Variants in ANP32B observed in about 807,000 individuals in gnomAD.
ANP32B encodes the protein acidic nuclear phosphoprotein 32 family member B, also known as acidic leucine-rich nuclear phosphoprotein 32 family member B.
Under a neutral mutation model 32.2 loss-of-function variants are expected in ANP32B, and 6 were observed. The observed-to-expected ratio is 0.19, with a 90% confidence interval of 0.10 to 0.37. The LOEUF is 0.37. Ranked by LOEUF, ANP32B falls within the 10% of genes least tolerant of loss-of-function variation. The probability of loss-of-function intolerance (pLI) is 1.00; values close to 1 mark genes in which losing one functional copy is unlikely to be tolerated. For synonymous variants in ANP32B, 98 were observed against 105.8 expected (o/e 0.93, Z 0.45); for missense variants, 204 against 289.2 (o/e 0.71, Z 2.14).
chr9:97,996,564 T>C (rs1261202566), intron 2 of ANP32B, among the ~76,000 whole-genome samples: 1 of 152,200 alleles, frequency 6.6e-6, no homozygotes, highest in East Asian at 1.9e-4. Flanking sequence ...GAACTTTATT[T>C]TCTTCCTATT....
chr9:98,002,619 GT>G (rs1320284035), intron 3 of ANP32B, among the ~76,000 whole-genome samples: 3 of 151,946 alleles, frequency 2.0e-5, no homozygotes, highest in Non-Finnish European at 4.4e-5. Flanking sequence ...GATTTTTGTT[GT>G]TTTCTTGCTT....
intron 3 of ANP32B, among the ~76,000 whole-genome samples, chr9:98,001,715 T>A (rs1166194523): frequency 6.6e-6 from 1 of 152,166 alleles, no homozygotes; most frequent in Non-Finnish European, 1.5e-5. Context: ...GAGAGGACCC[T>A]CTGGTGGCTG....
At chr9:97,992,164 A>G (rs1827835641) in intron 1 of ANP32B, among the ~76,000 whole-genome samples, 10 of 152,050 alleles carry the variant, frequency 6.6e-5, no homozygotes, top group Admixed American at 6.6e-4. Context: ...TTCTCAGCTC[A>G]CTGCAACTTC....
In ANP32B at chr9:97,994,842, T is replaced by C; in HGVS notation, c.204+62T>C. The C allele has an allele frequency of 2.7e-6, 4 of 1,496,142 alleles. No individual in the cohort carries two copies. The South Asian group carries it at 5.3e-5, about 20-fold the overall frequency. The allele number at this position is 1,496,142 out of a possible 1,614,324, so 92.7% of individuals were successfully genotyped here. ...CCTGGGAAGGGAAAATGTATGATTTTACCTGTAAGGAAGCACTTAGTGTAG... is the reference window on the plus strand; with the variant it reads ...CCTGGGAAGGGAAAATGTATGATTTCACCTGTAAGGAAGCACTTAGTGTAG... On this transcript the variant is annotated intron_variant, in intron 2 of 6. Coordinates refer to ENST00000339399, the MANE Select transcript of ANP32B (RefSeq NM_006401.3).
At chr9:97,983,942 G>A (rs1368329649) in intron 1 of ANP32B, among the ~76,000 whole-genome samples, 4 of 151,836 alleles carry the variant, frequency 2.6e-5, no homozygotes, top group African/African-American at 7.2e-5. Flanking sequence ...GTGTAACGCT[G>A]GGAGCCATGT....
chr9:97,990,811 A>C (rs745424210), intron 1 of ANP32B, among the ~76,000 whole-genome samples: 397 of 136,030 alleles, frequency 2.9e-3, no homozygotes, highest in Non-Finnish European at 5.2e-3. Flanking sequence ...CTTACAGTTG[A>C]ACCTTTTTTT....
intron 4 of ANP32B, among the ~76,000 whole-genome samples, chr9:98,008,296 A>G (rs541302648): frequency 1.1e-4 from 16 of 152,314 alleles, no homozygotes; most frequent in Admixed American, 2.0e-4. Context: ...TTTGAAAGAG[A>G]GTGAGCCAGG....
At chr9:97,990,418 G>GC (rs1184651989) in intron 1 of ANP32B, among the ~76,000 whole-genome samples, 1 of 152,190 alleles carries the variant, frequency 6.6e-6, no homozygotes, top group Non-Finnish European at 1.5e-5. Context: ...CCTAAGTGGG[G>GC]CCCTCCAGTG....
intron 6 of ANP32B, 27 bp from the exon 7 acceptor site, chr9:98,015,337 C>G (rs1324676508): frequency 1.3e-6 from 2 of 1,549,474 alleles, no homozygotes; most frequent in Admixed American, 2.0e-5. Context: ...TTCCACTGTC[C>G]TAAAGTCAAT....
At chr9:97,993,891 C>T (rs1827866749) in intron 1 of ANP32B, among the ~76,000 whole-genome samples, 1 of 152,186 alleles carries the variant, frequency 6.6e-6, no homozygotes, top group South Asian at 2.1e-4. Context: ...CTTCAGCCTC[C>T]CAAAGTGCTG....
chr9:98,010,823 C>G (rs1828170150), intron 4 of ANP32B, among the ~76,000 whole-genome samples: 1 of 145,844 alleles, frequency 6.9e-6, no homozygotes, highest in South Asian at 2.2e-4. Flanking sequence ...GTAATGATAC[C>G]CAAGAGAAGG....
At chr9:97,995,723 C>T (rs1323154217) in intron 2 of ANP32B, among the ~76,000 whole-genome samples, 1 of 151,952 alleles carries the variant, frequency 6.6e-6, no homozygotes, top group Non-Finnish European at 1.5e-5. Context: ...GAGTTCGAGA[C>T]CAGCCTGGCC....
chr9:98,005,686 G>A (rs1409405455), intron 4 of ANP32B, among the ~76,000 whole-genome samples: 1 of 152,220 alleles, frequency 6.6e-6, no homozygotes, highest in Non-Finnish European at 1.5e-5. Flanking sequence ...GCCTCCCCAA[G>A]TGGTGGGATT....
intron 6 of ANP32B, 75 bp downstream of exon 6, chr9:98,012,547 A>G: frequency 6.3e-7 from 1 of 1,576,456 alleles, no homozygotes; most frequent in Non-Finnish European, 8.6e-7. Flanking sequence ...AGAATATGAT[A>G]CCACTGAGAA....
chr9:97,986,114 C>CG (rs1295108028), intron 1 of ANP32B, among the ~76,000 whole-genome samples: 2 of 152,260 alleles, frequency 1.3e-5, no homozygotes, highest in Non-Finnish European at 2.9e-5. Context: ...AGCCACCGCC[C>CG]CCGGCCACCA....
At chr9:98,012,712 G>T (rs1203592457) in intron 6 of ANP32B, among the ~76,000 whole-genome samples, 1 of 152,124 alleles carries the variant, frequency 6.6e-6, no homozygotes, top group Non-Finnish European at 1.5e-5. Context: ...TCCTCATGGG[G>T]TTTTTTTCGG....
intron 4 of ANP32B, among the ~76,000 whole-genome samples, chr9:98,008,128 C>T (rs576463916): frequency 3.9e-5 from 6 of 152,102 alleles, no homozygotes; most frequent in Non-Finnish European, 5.9e-5. Context: ...TGATGCTCTC[C>T]GTCCCCAGCC....
chr9:97,985,602 G>A (rs528286412), intron 1 of ANP32B, among the ~76,000 whole-genome samples: 4 of 152,300 alleles, frequency 2.6e-5, no homozygotes, highest in East Asian at 1.9e-4. Context: ...CAAAGTGCCC[G>A]CAAGAGAAGT....
At chr9:97,985,879 T>G (rs1827722168) in intron 1 of ANP32B, among the ~76,000 whole-genome samples, 1 of 152,178 alleles carries the variant, frequency 6.6e-6, no homozygotes, top group South Asian at 2.1e-4. Context: ...TGGAGTGCAA[T>G]GGCACTATCT....
Sources: allele counts gnomAD v4.1 joint callset (sites outside exome capture counted in the v4.1 genomes callset), GRCh38; gene constraint gnomAD v4.1.1; transcripts MANE v1.5; gene names NCBI Gene and HGNC (gene_info 2026-07-23, HGNC 2026-07-21).